CHRNA7: variants seen among roughly 807,000 people sequenced by gnomAD.
CHRNA7 encodes neuronal acetylcholine receptor subunit alpha-7.
In CHRNA7, 17 loss-of-function variants were observed where a neutral mutation model predicts 48.0. The ratio of observed to expected loss-of-function variants is 0.35; its 90% CI spans 0.24 to 0.53. The LOEUF (loss-of-function observed/expected upper bound fraction) is 0.53, where lower values mean the gene tolerates loss of function less well. Ranked by LOEUF, CHRNA7 falls within the 20% of genes least tolerant of loss-of-function variation. The probability of loss-of-function intolerance (pLI) is 0.92; values close to 1 mark genes in which losing one functional copy is unlikely to be tolerated. For missense variants in CHRNA7, 155 were observed against 577.7 expected, an observed-to-expected ratio of 0.27 and a Z score of 7.50; for synonymous variants, 75 against 242.3, an observed-to-expected ratio of 0.31 and a Z score of 6.41.
chr15:32,111,942 A>C (rs779387500), intron 4 of CHRNA7, 43 bp downstream of exon 4: 3 of 1,099,284 alleles, frequency 2.7e-6, no homozygotes, highest in Non-Finnish European at 4.2e-6. Flanking sequence ...TTATGCTTGC[A>C]TACATGTAGC....
intron 3 of CHRNA7, chr15:32,102,912 A>G (rs909021479): frequency 2.6e-5 from 4 of 152,230 alleles, no homozygotes; most frequent in East Asian, 3.8e-4. Flanking sequence ...TTCTCCTTCA[A>G]TTTTGTTGAA....
intron 4 of CHRNA7, among the ~76,000 whole-genome samples, chr15:32,127,565 T>G (rs2051089537): frequency 6.6e-6 from 1 of 152,142 alleles, no homozygotes; most frequent in Non-Finnish European, 1.5e-5. Context: ...GTTGAACATC[T>G]TACTATGTGG....
intron 2 of CHRNA7, among the ~76,000 whole-genome samples, chr15:32,043,494 T>C (rs1595377419): frequency 6.6e-6 from 1 of 152,130 alleles, no homozygotes; most frequent in African/African-American, 2.4e-5. Context: ...TCTAATTTTC[T>C]CTTCTATTAG....
At chr15:32,101,188 T>C in intron 2 of CHRNA7, 115 bp from the exon 3 acceptor site, 1 of 1,101,750 alleles carries the variant, frequency 9.1e-7, no homozygotes, top group South Asian at 1.5e-5. Flanking sequence ...TGGTGCATTC[T>C]AATTTCCACA....
chr15:32,102,515 A>G (rs906097625), intron 3 of CHRNA7: 2 of 152,070 alleles, frequency 1.3e-5, no homozygotes, highest in Non-Finnish European at 2.9e-5. Context: ...ATTCCTTTAC[A>G]CCGTAAGTAT....
intron 3 of CHRNA7, among the ~76,000 whole-genome samples, chr15:32,105,397 AGGAGGAG>A (rs1227986135): frequency 4.0e-5 from 6 of 151,174 alleles, no homozygotes; most frequent in Middle Eastern, 3.5e-3. Flanking sequence ...GGAAAAATGG[AGGAGGAG>A]TTGGAGGAGG....
chr15:32,126,576 C>A (rs2051070460), intron 4 of CHRNA7, among the ~76,000 whole-genome samples: 1 of 152,152 alleles, frequency 6.6e-6, no homozygotes, highest in Non-Finnish European at 1.5e-5. Flanking sequence ...TTTTATATAT[C>A]TTCCTTCAGT....
At chr15:32,119,635 A>T (rs548152766) in intron 4 of CHRNA7, among the ~76,000 whole-genome samples, 108 of 116,496 alleles carry the variant, frequency 9.3e-4, no homozygotes, top group African/African-American at 3.0e-3. Flanking sequence ...GAACATTTTA[A>T]AAAAAAATAT....
intron 2 of CHRNA7, among the ~76,000 whole-genome samples, chr15:32,060,365 C>T (rs984413776): frequency 1.6e-4 from 24 of 152,114 alleles, no homozygotes; most frequent in African/African-American, 4.3e-4. Context: ...CGCGCACACA[C>T]GCACGCATAT....
chr15:32,124,111 T>G (rs2051023831), intron 4 of CHRNA7, among the ~76,000 whole-genome samples: 1 of 152,106 alleles, frequency 6.6e-6, no homozygotes, highest in Non-Finnish European at 1.5e-5. Context: ...TAGATGGGTT[T>G]CAAAAAATCA....
Position 32,044,252 on chromosome 15 carries a change from C to CTT in CHRNA7, c.195+13215_195+13216insTT, listed in dbSNP as rs1202092230. The stretch of plus-strand genomic sequence containing the variant: ...TTGTTGCCAGATCGATCGATCTTTT[C>CTT]CTCCTTCCTTCCTTCCTTCCTTCCT... On this transcript the variant is annotated intron_variant, in intron 2 of 9. Transcript: ENST00000306901. Among the ~76,000 whole-genome samples, 9 of 139,662 alleles carry CTT rather than the reference C, an allele frequency of 6.4e-5. 1 individual carries two copies. The highest frequency in any genetic ancestry group is 9.1e-5 in the Non-Finnish European group (6 of 65,598). 91.6% of individuals were successfully genotyped at this position (139,662 alleles called of 152,430 possible).
At chr15:32,033,721 T>G (rs1901953880) in intron 2 of CHRNA7, among the ~76,000 whole-genome samples, 1 of 152,218 alleles carries the variant, frequency 6.6e-6, no homozygotes, top group Non-Finnish European at 1.5e-5. Flanking sequence ...ACAATGGTTC[T>G]CATAAAGGCT....
intron 3 of CHRNA7, among the ~76,000 whole-genome samples, chr15:32,107,425 A>G (rs2050688971): frequency 6.6e-6 from 1 of 150,874 alleles, no homozygotes; most frequent in Admixed American, 6.6e-5. Context: ...ATAAAATTTT[A>G]AATAATATAC....
chr15:32,142,651 G>T (rs529405587), intron 4 of CHRNA7, among the ~76,000 whole-genome samples: 2 of 152,156 alleles, frequency 1.3e-5, no homozygotes, highest in African/African-American at 2.4e-5. Flanking sequence ...TCTTGGGAGG[G>T]TGCATGAGTC....
intron 2 of CHRNA7, among the ~76,000 whole-genome samples, chr15:32,063,531 A>G (rs2049914368): frequency 6.6e-6 from 1 of 152,202 alleles, no homozygotes; most frequent in Admixed American, 6.5e-5. Context: ...TGATGTGTTC[A>G]CCAACCAGGT....
chr15:32,040,890 G>A lies in CHRNA7; in HGVS notation c.195+9853G>A, dbSNP rs1338576826. 4.0e-5 allele frequency among the ~76,000 whole-genome samples: 6 copies of A among 151,652 alleles called. No homozygotes were observed. In the East Asian group the frequency reaches 1.2e-3, roughly 29 times the overall value. On this transcript the variant is annotated intron_variant, in intron 2 of 9. Transcript: ENST00000306901. ...AAACAAATTTCTTCAATTTTTGCCT[G>A]AGAATGTATTTTTTTTCCTTATCTT... is the stretch of plus-strand genomic sequence containing the variant.
chr15:32,037,878 T>G (rs1437052719), intron 2 of CHRNA7, among the ~76,000 whole-genome samples: 1 of 151,822 alleles, frequency 6.6e-6, no homozygotes, highest in East Asian at 1.9e-4. Context: ...TATTTCTTTT[T>G]TCCCAGTCTA....
At chr15:32,054,539 C>T (rs1049934413) in intron 2 of CHRNA7, among the ~76,000 whole-genome samples, 7 of 152,134 alleles carry the variant, frequency 4.6e-5, no homozygotes, top group African/African-American at 1.2e-4. Flanking sequence ...AAGTGAACCC[C>T]GTTAAGCTGT....
intron 2 of CHRNA7, among the ~76,000 whole-genome samples, chr15:32,087,063 A>ATTTC (rs1485933210): frequency 6.6e-6 from 1 of 152,186 alleles, no homozygotes; most frequent in Non-Finnish European, 1.5e-5. Context: ...GGGAGTGGAA[A>ATTTC]GTAGTGTTTC....
Sources: gnomAD v4.1 joint callset for allele counts (sites outside exome capture counted in the v4.1 genomes callset) on GRCh38, gnomAD v4.1.1 for gene constraint, MANE v1.5 for transcripts, NCBI Gene and HGNC (gene_info 2026-07-23, HGNC 2026-07-21) for gene names.